The following PPP3CA variants were observed in gnomAD, a reference collection of about 807,000 sequenced individuals.
PPP3CA encodes the protein protein phosphatase 3 catalytic subunit alpha.
PPP3CA carries 14 observed loss-of-function variants against 66.5 expected under a neutral mutation model. The observed-to-expected ratio is 0.21, with a 90% CI of 0.14 to 0.33. The LOEUF is 0.33. Ranked by LOEUF, PPP3CA falls within the 10% of genes least tolerant of loss-of-function variation. The probability of loss-of-function intolerance (pLI) is 1.00; values close to 1 mark genes in which losing one functional copy is unlikely to be tolerated. For missense variants in PPP3CA, 317 were observed against 639.5 expected, an observed-to-expected ratio of 0.50 and a Z score of 5.44; for synonymous variants, 232 against 226.2, an observed-to-expected ratio of 1.03 and a Z score of -0.23.
rs551829420 is a variant in PPP3CA at position 101,265,286 on chromosome 4, A to G, written c.59-69170T>C. ...ACTCTTTTATTTATTTTTTTTATTT[A>G]TTTGTAGAGACAGGGTCTTGCTCTG... is the stretch of plus-strand genomic sequence containing the variant. On this transcript the variant is annotated intron_variant, in intron 1 of 13. Transcript: ENST00000394854. 3.2e-3 allele frequency among the ~76,000 whole-genome samples: 483 copies of G among 151,720 alleles called. 3 individuals carry two copies. Among genetic ancestry groups the G allele is most frequent in the Non-Finnish European group, 4.7e-3 (319 of 67,880 alleles).
At chr4:101,068,852 A>T (rs1346618682) in intron 8 of PPP3CA, among the ~76,000 whole-genome samples, 3 of 152,188 alleles carry the variant, frequency 2.0e-5, no homozygotes, top group African/African-American at 7.2e-5. Context: ...TACTCTTTAG[A>T]TCATAAGCTT....
chr4:101,099,380 C>T lies in PPP3CA; in HGVS notation c.496+231G>A, dbSNP rs184004462. ...ACTTGTTTCTTAGGATAAATTACAT[C>T]AAATCTTAATTCAAATTCTTCAATC... On this transcript the variant is annotated intron_variant, in intron 4 of 13. Transcript: ENST00000394854. Among the ~76,000 whole-genome samples, 5 of 152,146 alleles carry T rather than the reference C, an allele frequency of 3.3e-5. No individual in the cohort carries two copies. The East Asian group carries it at 7.7e-4, about 23-fold the overall frequency.
At chr4:101,131,785 A>G (rs577425917) in intron 2 of PPP3CA, among the ~76,000 whole-genome samples, 3 of 152,182 alleles carry the variant, frequency 2.0e-5, no homozygotes, top group South Asian at 4.1e-4. Context: ...TCCATCCCAA[A>G]TCAACAGAAT....
intron 10 of PPP3CA, among the ~76,000 whole-genome samples, chr4:101,049,073 TA>T (rs1267295339): frequency 6.6e-6 from 1 of 152,160 alleles, no homozygotes; most frequent in Non-Finnish European, 1.5e-5. Context: ...ATGGACAGAC[TA>T]CACTCAAATG....
chr4:101,320,923 T>C (rs967499636), intron 1 of PPP3CA, among the ~76,000 whole-genome samples: 3 of 152,136 alleles, frequency 2.0e-5, no homozygotes, highest in African/African-American at 7.2e-5. Flanking sequence ...AAGATGGGTA[T>C]TGTTGCTCCA....
At chr4:101,296,518 TC>T (rs1728205598) in intron 1 of PPP3CA, among the ~76,000 whole-genome samples, 2 of 152,182 alleles carry the variant, frequency 1.3e-5, no homozygotes, top group Admixed American at 1.3e-4. Flanking sequence ...AACCAGTTCA[TC>T]TTTTTTGCTT....
chr4:101,305,000 A>G (rs551213859), intron 1 of PPP3CA, among the ~76,000 whole-genome samples: 13 of 152,370 alleles, frequency 8.5e-5, no homozygotes, highest in Non-Finnish European at 1.5e-4. Context: ...AAACAAGGGT[A>G]CAGTTACAAG....
chr4:101,106,394 A>G (rs1046168182), intron 3 of PPP3CA, among the ~76,000 whole-genome samples: 7 of 7,390 alleles, frequency 9.5e-4, no homozygotes, highest in East Asian at 3.6e-3. Context: ...AGAAAGAAAG[A>G]AAGAAAGAAA....
chr4:101,079,222 A>G lies in PPP3CA; in HGVS notation c.955+1310T>C, dbSNP rs1030050475. ...CCTGGACACCAGGCCTGGGCCAGGA[A>G]GACACCCATCACACCTCATTTATGA... On this transcript the variant is annotated intron_variant, in intron 8 of 13. Transcript: ENST00000394854. Among the ~76,000 whole-genome samples, 4 of 152,174 alleles carry G rather than the reference A, an allele frequency of 2.6e-5. No homozygotes were observed. The South Asian group carries it at 8.3e-4, about 31-fold the overall frequency.
rs370844632 is a variant in PPP3CA at position 101,100,543 on chromosome 4, T to A, written c.385-821A>T. On this transcript the variant is annotated intron_variant, in intron 3 of 13. Coordinates refer to ENST00000394854, the MANE Select transcript of PPP3CA (RefSeq NM_000944.5). The stretch of plus-strand genomic sequence containing the variant: ...GCATTCACCAACTTGGGGATACATC[T>A]ACATTTGACACAGCCTTCCTGGAAT... Among the ~76,000 whole-genome samples, 8 of 152,290 alleles carry A rather than the reference T, an allele frequency of 5.3e-5. No homozygotes were observed. The East Asian group carries it at 7.7e-4, about 15-fold the overall frequency.
At chr4:101,286,972 C>CT in intron 1 of PPP3CA, among the ~76,000 whole-genome samples, 1 of 150,568 alleles carries the variant, frequency 6.6e-6, no homozygotes, top group East Asian at 1.9e-4. Flanking sequence ...AAGTTGTTAA[C>CT]TTTTTTTGAT....
intron 1 of PPP3CA, among the ~76,000 whole-genome samples, chr4:101,202,446 TA>T (rs914339798): frequency 6.6e-6 from 1 of 151,910 alleles, no homozygotes; most frequent in Non-Finnish European, 1.5e-5. Context: ...TCTCCTAGAT[TA>T]AAAAAAAGTA....
At chr4:101,220,021 C>A (rs1432039791) in intron 1 of PPP3CA, among the ~76,000 whole-genome samples, 1 of 151,716 alleles carries the variant, frequency 6.6e-6, no homozygotes, top group Admixed American at 6.6e-5. Flanking sequence ...TTCTTGCACG[C>A]CATGTCATCA....
intron 1 of PPP3CA, among the ~76,000 whole-genome samples, chr4:101,245,678 T>A (rs2110238457): frequency 6.6e-6 from 1 of 152,142 alleles, no homozygotes; most frequent in East Asian, 1.9e-4. Context: ...ATTGGTTCCA[T>A]CAATATTCTA....
intron 2 of PPP3CA, among the ~76,000 whole-genome samples, chr4:101,192,216 C>T (rs759482992): frequency 3.9e-5 from 6 of 152,122 alleles, no homozygotes; most frequent in Non-Finnish European, 5.9e-5. Flanking sequence ...TTAAAATCAA[C>T]TTGAACACTC....
chr4:101,315,751 C>G (rs1728865472), intron 1 of PPP3CA, among the ~76,000 whole-genome samples: 1 of 152,176 alleles, frequency 6.6e-6, no homozygotes, highest in African/African-American at 2.4e-5. Context: ...ACAAAGTCAT[C>G]AAGGATTTGG....
chr4:101,137,994 C>T (rs1457026008), intron 2 of PPP3CA, among the ~76,000 whole-genome samples: 3 of 152,040 alleles, frequency 2.0e-5, no homozygotes, highest in Non-Finnish European at 2.9e-5. Context: ...CACTAACAAG[C>T]GAGCAGTTGT....
At chr4:101,338,127 G>A (rs1342159042) in intron 1 of PPP3CA, among the ~76,000 whole-genome samples, 1 of 152,128 alleles carries the variant, frequency 6.6e-6, no homozygotes, top group Admixed American at 6.5e-5. Context: ...CTGTCTTCCT[G>A]AGAAAGAAAC....
chr4:101,233,923 T>C (rs1255870451), intron 1 of PPP3CA, among the ~76,000 whole-genome samples: 1 of 151,750 alleles, frequency 6.6e-6, no homozygotes, highest in Non-Finnish European at 1.5e-5. Context: ...TCTCACCATC[T>C]GTCTGCTGCT....
Sources: allele counts gnomAD v4.1 joint callset (sites outside exome capture counted in the v4.1 genomes callset), GRCh38; gene constraint gnomAD v4.1.1; transcripts MANE v1.5; gene names NCBI Gene and HGNC (gene_info 2026-07-23, HGNC 2026-07-21).